MVB12B: variants seen among roughly 807,000 people sequenced by gnomAD.
MVB12B encodes the protein multivesicular body subunit 12B.
A neutral mutation model predicts 41.6 loss-of-function variants in MVB12B; 16 were observed. That is an observed-to-expected ratio of 0.38 (90% CI 0.26 to 0.58). MVB12B has a LOEUF of 0.58. Ranked by LOEUF, MVB12B falls within the 20% of genes least tolerant of loss-of-function variation. The probability of loss-of-function intolerance (pLI) is 0.62; values close to 1 mark genes in which losing one functional copy is unlikely to be tolerated. For missense variants in MVB12B, 274 were observed against 380.2 expected (o/e 0.72, Z 2.32); for synonymous variants, 133 against 139.7 (o/e 0.95, Z 0.34).
At chr9:126,400,481 A>G (rs1831237131) in intron 6 of MVB12B, among the ~76,000 whole-genome samples, 1 of 152,148 alleles carries the variant, frequency 6.6e-6, no homozygotes, top group South Asian at 2.1e-4. Context: ...TAGAGCAATC[A>G]GTGTTTCTTA....
rs933104135 is a variant in MVB12B, at chr9:126,376,437, G to C, written c.205-4627G>C. On this transcript the variant is annotated intron_variant, in intron 2 of 9. Coordinates refer to ENST00000361171, the MANE Select transcript of MVB12B (RefSeq NM_033446.3). The surrounding 1 kb of genome is among the most constrained non-coding windows in gnomAD (Gnocchi z 4.1). ...CCTGGTGACCCTTTGTTGTGGGTTG[G>C]GATTTAAGATGGAGGCACCAGCTCA... The C allele has an allele frequency of 8.7e-7, 1 of 1,155,764 alleles. No homozygotes were observed. The highest frequency in any genetic ancestry group is 1.2e-6 in the Non-Finnish European group (1 of 868,218). The allele number at this position is 1,155,764 out of a possible 1,614,324, so 71.6% of individuals were successfully genotyped here. A position where few individuals can be genotyped will look rare whatever the true frequency, so the allele number is the denominator to read the frequency against.
intron 7 of MVB12B, among the ~76,000 whole-genome samples, chr9:126,472,175 G>A (rs957627108): frequency 6.6e-6 from 1 of 152,076 alleles, no homozygotes; most frequent in African/African-American, 2.4e-5. Flanking sequence ...AGCCTTGGGA[G>A]TTGGTCAGTG....
At position 126,395,805 on chromosome 9, in the gene MVB12B, GA is replaced by G; in HGVS notation, c.662+110del. On this transcript the variant is annotated intron_variant, in intron 6 of 9. Transcript: ENST00000361171. The surrounding 1 kb of genome is among the most constrained non-coding windows in gnomAD (Gnocchi z 4.9). The stretch of plus-strand genomic sequence containing the variant: ...TGCTGAAATACTGCAAAGTACAGCT[GA>G]ATAATTGTAGAAGCAATATATCTTT... The G allele has an allele frequency of 1.3e-6, 2 of 1,520,070 alleles. No individual in the cohort carries two copies. The highest frequency in any genetic ancestry group is 1.8e-6 in the Non-Finnish European group (2 of 1,136,840). The allele number at this position is 1,520,070 out of a possible 1,614,324, so 94.2% of individuals were successfully genotyped here.
intron 7 of MVB12B, among the ~76,000 whole-genome samples, chr9:126,424,872 T>G (rs543982720): frequency 2.6e-4 from 39 of 152,292 alleles, no homozygotes; most frequent in South Asian, 1.5e-3. Flanking sequence ...GCAAAAAGAT[T>G]TATCCACAAG....
chr9:126,431,646 G>A (rs566748749), intron 7 of MVB12B, among the ~76,000 whole-genome samples: 27 of 152,228 alleles, frequency 1.8e-4, no homozygotes, highest in African/African-American at 5.8e-4. Flanking sequence ...GAGCTTAGGC[G>A]GCACTGGTTT....
chr9:126,362,486 AAAG>A (rs1227194880), intron 2 of MVB12B, among the ~76,000 whole-genome samples: 3 of 152,330 alleles, frequency 2.0e-5, no homozygotes, highest in African/African-American at 2.4e-5. Context: ...CAAAATTATA[AAAG>A]AAGATGATGT....
rs186537074 is a variant in MVB12B at position 126,391,651 on chromosome 9, G to A, written c.410-415G>A. On this transcript the variant is annotated intron_variant, in intron 4 of 9. Coordinates refer to ENST00000361171, the MANE Select transcript of MVB12B (RefSeq NM_033446.3). The surrounding 1 kb of genome is among the most constrained non-coding windows in gnomAD (Gnocchi z 4.4). ...CATTGACACTGGGTGACGGGAACAC[G>A]TGGATTCATTCCACTGTTCTCTCTG... 5.3e-5 allele frequency among the ~76,000 whole-genome samples: 8 copies of A among 152,342 alleles called. No individual in the cohort carries two copies. The highest frequency in any genetic ancestry group is 3.9e-4 in the East Asian group (2 of 5,192).
At chr9:126,334,080 C>T (rs947751322) in intron 1 of MVB12B, among the ~76,000 whole-genome samples, 1 of 152,170 alleles carries the variant, frequency 6.6e-6, no homozygotes, top group Non-Finnish European at 1.5e-5. Flanking sequence ...GTGATTTTTG[C>T]ACATGCTAAA....
In MVB12B at chr9:126,503,136, A is replaced by G. The variant is rs1165653322; in HGVS notation, c.874-41A>G. 10 of 1,506,306 alleles carry G rather than the reference A, an allele frequency of 6.6e-6. No homozygotes were observed. In the South Asian group the frequency reaches 1.1e-4, roughly 16 times the overall value. The allele number at this position is 1,506,306 out of a possible 1,614,324, so 93.3% of individuals were successfully genotyped here. On this transcript the variant is annotated intron_variant, in intron 9 of 9. Coordinates refer to ENST00000361171, the MANE Select transcript of MVB12B (RefSeq NM_033446.3). ...TGTGGAGGGGTTTCCCTAGTGTCCC[A>G]TGGACTGACTGTGTCTCTCTGTCCC... is the stretch of plus-strand genomic sequence containing the variant.
intron 7 of MVB12B, among the ~76,000 whole-genome samples, chr9:126,462,823 G>A (rs1017029875): frequency 2.6e-5 from 4 of 152,158 alleles, no homozygotes; most frequent in Non-Finnish European, 4.4e-5. Context: ...ATGGGTGGCC[G>A]CCTCACGCCC....
At chr9:126,470,980 G>A (rs903425529) in intron 7 of MVB12B, among the ~76,000 whole-genome samples, 1 of 152,126 alleles carries the variant, frequency 6.6e-6, no homozygotes, top group African/African-American at 2.4e-5. Context: ...TCGTACCTAG[G>A]GCTTTATGTT....
In MVB12B at chr9:126,382,536, C is replaced by T. The variant is rs375621917; in HGVS notation, c.312+1365C>T. 9.3e-4 allele frequency among the ~76,000 whole-genome samples: 142 copies of T among 152,210 alleles called. 4 individuals carry two copies. In the South Asian group the frequency reaches 0.028, roughly 30 times the overall value. On this transcript the variant is annotated intron_variant, in intron 3 of 9. Transcript: ENST00000361171. ...GAAGGTGGCAGGGCTAAAGAGTGGA[C>T]AAGGGCACTGAGATCTTATAATGAG...
At chr9:126,414,271 T>C (rs1483539588) in intron 6 of MVB12B, among the ~76,000 whole-genome samples, 1 of 152,166 alleles carries the variant, frequency 6.6e-6, no homozygotes. Context: ...CCCCTCAGCA[T>C]GTATTTAGCT....
chr9:126,415,996 C>T (rs375905090), intron 6 of MVB12B, among the ~76,000 whole-genome samples: 6 of 152,242 alleles, frequency 3.9e-5, no homozygotes, highest in South Asian at 4.1e-4. Flanking sequence ...GGAACAAAAG[C>T]GGCTACTGAG....
rs1834074989 is a variant in MVB12B at position 126,506,501 on chromosome 9, G to T, written c.*3238G>T. 1 of 152,362 alleles carries T rather than the reference G, an allele frequency of 6.6e-6. No individual in the cohort carries two copies. The highest frequency in any genetic ancestry group is 1.5e-5 in the Non-Finnish European group (1 of 68,086). The allele number at this position is 152,362 out of a possible 1,614,324, so 9.4% of individuals were successfully genotyped here. A position where few individuals can be genotyped will look rare whatever the true frequency, so the allele number is the denominator to read the frequency against. ...CGGTCACCAGGCCACTGTGCAGTGG[G>T]CGCAGAGCATGGTCAGGAGTGGCCT... On this transcript the variant is annotated 3_prime_UTR_variant, in exon 10 of 10. Coordinates refer to ENST00000361171, the MANE Select transcript of MVB12B (RefSeq NM_033446.3).
intron 6 of MVB12B, among the ~76,000 whole-genome samples, chr9:126,403,355 T>C (rs2119030315): frequency 6.6e-6 from 1 of 152,320 alleles, no homozygotes; most frequent in South Asian, 2.1e-4. Flanking sequence ...TAGGCTGGAC[T>C]CCAGAATGCT....
At chr9:126,330,679 A>T (rs1469791134) in intron 1 of MVB12B, among the ~76,000 whole-genome samples, 1 of 152,228 alleles carries the variant, frequency 6.6e-6, no homozygotes, top group Non-Finnish European at 1.5e-5. Context: ...CATTATGCAC[A>T]TTCACACTGT....
At chr9:126,424,116 C>T (rs1832103871) in intron 7 of MVB12B, among the ~76,000 whole-genome samples, 1 of 152,218 alleles carries the variant, frequency 6.6e-6, no homozygotes, top group African/African-American at 2.4e-5. Context: ...GATTACTGCT[C>T]CCTTAGTGTT....
chr9:126,383,842 AG>A (rs1830699066), intron 3 of MVB12B, among the ~76,000 whole-genome samples: 1 of 151,820 alleles, frequency 6.6e-6, no homozygotes, highest in African/African-American at 2.4e-5. Flanking sequence ...TATGCATGCA[AG>A]GGTTTTTTGA....
Sources: gnomAD v4.1 joint callset for allele counts (sites outside exome capture counted in the v4.1 genomes callset) on GRCh38, gnomAD v4.1.1 for gene constraint, Gnocchi (gnomAD v3.1) non-coding constraint, MANE v1.5 for transcripts, NCBI Gene and HGNC (gene_info 2026-07-23, HGNC 2026-07-21) for gene names.